The following SLC12A1 variants were observed in gnomAD, a reference collection of about 807,000 sequenced individuals.
SLC12A1 encodes the protein Na-K-2Cl cotransporter.
A neutral mutation model predicts 130.4 loss-of-function variants in SLC12A1; 89 were observed. The observed-to-expected ratio is 0.68, with a 90% CI of 0.58 to 0.81. The LOEUF is 0.81. Ranked by LOEUF, SLC12A1 falls within the 40% of genes least tolerant of loss-of-function variation. The probability of loss-of-function intolerance (pLI) is 0.00; values close to 1 mark genes in which losing one functional copy is unlikely to be tolerated. For synonymous variants in SLC12A1, 499 were observed against 460.0 expected (o/e 1.08, Z -1.09); for missense variants, 1,310 against 1,336.4 (o/e 0.98, Z 0.31).
chr15:48,301,278 T>C, intron 25 of SLC12A1, 37 bp from the exon 26 acceptor site: 1 of 1,406,698 alleles, frequency 7.1e-7, no homozygotes, highest in Non-Finnish European at 9.9e-7. Flanking sequence ...ATAATTCTGG[T>C]AGAACTGTAC....
chr15:48,285,719 C>T (rs187207585), intron 21 of SLC12A1, among the ~76,000 whole-genome samples: 12 of 152,292 alleles, frequency 7.9e-5, no homozygotes, highest in Middle Eastern at 3.4e-3. Flanking sequence ...CCAGAATGCA[C>T]GACTTAGAAC....
intron 26 of SLC12A1, 112 bp downstream of exon 26, chr15:48,301,494 GT>G (rs199734025): frequency 1.5e-4 from 75 of 506,034 alleles, no homozygotes; most frequent in Middle Eastern, 7.7e-4. Flanking sequence ...TTGTTTTTGT[GT>G]TTTTTTTGGG....
intron 17 of SLC12A1, among the ~76,000 whole-genome samples, chr15:48,261,709 G>A (rs1450183871): frequency 1.3e-5 from 2 of 152,168 alleles, no homozygotes; most frequent in African/African-American, 4.8e-5. Context: ...TGATGGTTAG[G>A]CCAACCTTGT....
At position 48,247,329 on chromosome 15, in the gene SLC12A1, T is replaced by G. The variant is rs778539276; in HGVS notation, c.1561-8T>G. The G allele has an allele frequency of 8.8e-6, 14 of 1,597,006 alleles. No individual in the cohort carries two copies. In the Admixed American group the frequency reaches 2.6e-4, roughly 29 times the overall value. On this transcript the variant is annotated splice_region_variant and splice_polypyrimidine_tract_variant and intron_variant, in intron 12 of 26. Transcript: ENST00000380993. ...AAATGACAAATTTCTTCTCTTCTTT[T>G]CCATTAGGCTCTGTGCAAGGACAAC...
At chr15:48,300,526 T>C (rs1247632973) in intron 25 of SLC12A1, among the ~76,000 whole-genome samples, 5 of 152,032 alleles carry the variant, frequency 3.3e-5, no homozygotes, top group Non-Finnish European at 7.4e-5. Flanking sequence ...ATGCCCTACA[T>C]AAACCACATT....
chr15:48,275,181 T>C (rs2041938838), intron 20 of SLC12A1, among the ~76,000 whole-genome samples: 1 of 152,226 alleles, frequency 6.6e-6, no homozygotes, highest in African/African-American at 2.4e-5. Context: ...TTGCTTAGTC[T>C]TAGAATTTAA....
At position 48,277,181 on chromosome 15, in the gene SLC12A1, A is replaced by T. The variant is rs575861385; in HGVS notation, c.2485+2528A>T. 4.6e-5 allele frequency among the ~76,000 whole-genome samples: 7 copies of T among 152,248 alleles called. No individual in the cohort carries two copies. In the South Asian group the frequency reaches 1.5e-3, roughly 32 times the overall value. The stretch of plus-strand genomic sequence containing the variant: ...ATCAAATCATGTTTCCAGACTGAGG[A>T]AATGGCACAAGAGAGTGAAAAAATT... On this transcript the variant is annotated intron_variant, in intron 20 of 26. Transcript: ENST00000380993.
intron 21 of SLC12A1, among the ~76,000 whole-genome samples, chr15:48,286,585 G>A (rs1243108662): frequency 6.6e-6 from 1 of 152,198 alleles, no homozygotes; most frequent in Non-Finnish European, 1.5e-5. Context: ...AGAGAGGGAA[G>A]CATTAATGTC....
rs1301196097 is a variant in SLC12A1, at chr15:48,229,340, C to T, written c.864+12C>T. 4.4e-6 allele frequency: 7 copies of T among 1,580,970 alleles called. No homozygotes were observed. The highest frequency in any genetic ancestry group is 6.0e-6 in the Non-Finnish European group (7 of 1,162,222). ...TAGATCTTCTTAAGGTAATTAAAAGCTTTTCTTTTTTTCTGCCAAGCAGCA... is the reference window on the plus strand; with the variant it reads ...TAGATCTTCTTAAGGTAATTAAAAGTTTTTCTTTTTTTCTGCCAAGCAGCA... On this transcript the variant is annotated intron_variant, in intron 6 of 26. Coordinates refer to ENST00000380993, the MANE Select transcript of SLC12A1 (RefSeq NM_000338.3).
chr15:48,221,017 A>C (rs2041206955), intron 4 of SLC12A1, 21 bp downstream of exon 4: 1 of 1,608,200 alleles, frequency 6.2e-7, no homozygotes, highest in Non-Finnish European at 8.5e-7. Flanking sequence ...TTCCCCTCCT[A>C]AATAATTTTG....
rs945172952 is a variant in SLC12A1 at position 48,239,510 on chromosome 15, A to G, written c.1216-2005A>G. ...AGCCTGGGCAACAGAACAAGAACCCATCTCAAAATAAATAAATAAATAAAT... is the reference window on the plus strand; with the variant it reads ...AGCCTGGGCAACAGAACAAGAACCCGTCTCAAAATAAATAAATAAATAAAT... On this transcript the variant is annotated intron_variant, in intron 9 of 26. Transcript: ENST00000380993. 9.7e-5 allele frequency among the ~76,000 whole-genome samples: 12 copies of G among 123,400 alleles called. 1 individual carries two copies. The Admixed American group carries it at 1.0e-3, about 10-fold the overall frequency. 81.0% of individuals were successfully genotyped at this position (123,400 alleles called of 152,430 possible).
At position 48,255,880 on chromosome 15, in the gene SLC12A1, C is replaced by G. The variant is rs1323112780; in HGVS notation, c.2012C>G (p.Thr671Ser). Residue 671 changes from threonine to serine, a missense_variant, in exon 16 of 27, where the codon ACC (threonine) becomes AGC (serine). Coordinates refer to ENST00000380993, the MANE Select transcript of SLC12A1 (RefSeq NM_000338.3). ...GCTTTAGACAATGCTCTGGAATTAA[C>G]CACAGTGGAAGACCACGTAAAAAAC... The part of the protein sequence containing the change: ...VSALDNALEL[T>S]TVEDHVKNFR... 6.2e-7 allele frequency: 1 copy of G among 1,603,012 alleles called. No individual in the cohort carries two copies. The highest frequency in any genetic ancestry group is 8.5e-7 in the Non-Finnish European group (1 of 1,174,450).
At chr15:48,218,037 T>C (rs1023588670) in intron 2 of SLC12A1, 1 of 152,442 alleles carries the variant, frequency 6.6e-6, no homozygotes, top group Non-Finnish European at 1.5e-5. Context: ...CTCAAACTTC[T>C]GGGCTCAAGC....
At chr15:48,286,390 C>T (rs148957148) in intron 21 of SLC12A1, among the ~76,000 whole-genome samples, 1 of 152,190 alleles carries the variant, frequency 6.6e-6, no homozygotes, top group African/African-American at 2.4e-5. Flanking sequence ...TACATCAGGA[C>T]TTTTAGGGTG....
chr15:48,217,142 C>T (rs1300912404), intron 2 of SLC12A1, among the ~76,000 whole-genome samples: 1 of 152,052 alleles, frequency 6.6e-6, no homozygotes, highest in Non-Finnish European at 1.5e-5. Context: ...AAGTAAAATA[C>T]ATTACTAAAA....
At chr15:48,212,544 A>G (rs937540313) in intron 2 of SLC12A1, among the ~76,000 whole-genome samples, 3 of 152,182 alleles carry the variant, frequency 2.0e-5, no homozygotes, top group Non-Finnish European at 2.9e-5. Context: ...TGTAAAGAGA[A>G]TTTTGCTTTC....
intron 7 of SLC12A1, 118 bp from the exon 8 acceptor site, chr15:48,232,607 CAG>C: frequency 1.4e-6 from 1 of 723,964 alleles, no homozygotes; most frequent in Non-Finnish European, 2.5e-6. Context: ...CTCTGGGTAG[CAG>C]AGACTTAACT....
At chr15:48,220,131 GTAGATAGATAGATAGATAGATAGA>G (rs71120609) in intron 2 of SLC12A1, among the ~76,000 whole-genome samples, 3 of 105,738 alleles carry the variant, frequency 2.8e-5, no homozygotes, top group South Asian at 3.4e-4. Context: ...AAAAAAAAAG[GTAGATAGATAGATAGATAGATAGA>G]TAGATAGATA....
chr15:48,231,628 T>G (rs1461840261), intron 7 of SLC12A1, among the ~76,000 whole-genome samples: 1 of 152,216 alleles, frequency 6.6e-6, no homozygotes, highest in Non-Finnish European at 1.5e-5. Context: ...TCCATAAGGT[T>G]GTCAGTTTGT....
Sources: allele counts gnomAD v4.1 joint callset (sites outside exome capture counted in the v4.1 genomes callset), GRCh38; gene constraint gnomAD v4.1.1; transcripts MANE v1.5; gene names NCBI Gene and HGNC (gene_info 2026-07-23, HGNC 2026-07-21).